Variants in MTUS2 observed in about 807,000 individuals in gnomAD.
MTUS2 encodes the protein microtubule associated scaffold protein 2.
MTUS2 carries 40 observed loss-of-function variants against 114.1 expected under a neutral mutation model. The ratio of observed to expected loss-of-function variants is 0.35; its 90% CI spans 0.27 to 0.46. MTUS2 has a LOEUF of 0.46. Among genes scored for constraint, MTUS2 ranks in the 20% least tolerant of loss-of-function variants. The pLI is 1.00. For synonymous variants in MTUS2, 688 were observed against 672.0 expected, an observed-to-expected ratio of 1.02 and a Z score of -0.37; for missense variants, 1,679 against 1,705.4, an observed-to-expected ratio of 0.98 and a Z score of 0.27.
In MTUS2 at chr13:29,291,936, A is replaced by C. The variant is rs116077022; in HGVS notation, c.2806+10071A>C. Among the ~76,000 whole-genome samples, 404 of 152,332 alleles carry C rather than the reference A, an allele frequency of 2.7e-3. 4 individuals carry two copies. Among genetic ancestry groups the C allele is most frequent in the African/African-American group, 8.8e-3 (367 of 41,584 alleles). On this transcript the variant is annotated intron_variant, in intron 6 of 15. Coordinates refer to ENST00000612955, the MANE Select transcript of MTUS2 (RefSeq NM_001033602.4). Reference sequence around the variant, plus strand: ...CTTGCATTTCAAAATCATTTCTGCTAAAAGGTAAATTTTATTACAGAATTT... The same window carrying C: ...CTTGCATTTCAAAATCATTTCTGCTCAAAGGTAAATTTTATTACAGAATTT...
intron 8 of MTUS2, among the ~76,000 whole-genome samples, chr13:29,383,250 G>GTATATATATATATATATA (rs763660299): frequency 1.6e-5 from 1 of 64,390 alleles, no homozygotes; most frequent in African/African-American, 3.5e-5. Flanking sequence ...GTGTGTGTGT[G>GTATATATATATATATATA]TGTATTTATT....
At chr13:28,830,673 T>C (rs1204504992) in intron 1 of MTUS2, among the ~76,000 whole-genome samples, 1 of 152,068 alleles carries the variant, frequency 6.6e-6, no homozygotes, top group Non-Finnish European at 1.5e-5. Context: ...CCATTATGAA[T>C]ACCAACATAT....
intron 4 of MTUS2, among the ~76,000 whole-genome samples, chr13:29,059,996 A>C (rs887454391): frequency 9.9e-5 from 15 of 152,212 alleles, no homozygotes; most frequent in African/African-American, 3.6e-4. Flanking sequence ...TCCCAGTGGC[A>C]GGGGTGGGTT....
intron 7 of MTUS2, among the ~76,000 whole-genome samples, chr13:29,356,657 C>T (rs1051645309): frequency 2.6e-5 from 4 of 152,114 alleles, no homozygotes; most frequent in African/African-American, 9.7e-5. Context: ...CTGTTTTTAG[C>T]GAAGACAAAA....
At chr13:28,959,222 G>A (rs901913935) in intron 2 of MTUS2, among the ~76,000 whole-genome samples, 3 of 152,144 alleles carry the variant, frequency 2.0e-5, no homozygotes, top group East Asian at 1.9e-4. Flanking sequence ...ATCACCTCTC[G>A]ACTCCAGCTG....
At position 28,868,837 on chromosome 13, in the gene MTUS2, C is replaced by T. The variant is rs577643457; in HGVS notation, c.-243+28987C>T. Among the ~76,000 whole-genome samples, 4 of 152,320 alleles carry T rather than the reference C, an allele frequency of 2.6e-5. No individual in the cohort carries two copies. The East Asian group carries it at 7.7e-4, about 29-fold the overall frequency. On this transcript the variant is annotated intron_variant, in intron 2 of 15. Transcript: ENST00000612955. ...CCTATCTGCCATCTTTTAAACATTT[C>T]ACCGTAGCCTGAGTGATAAAAAGTT...
intron 4 of MTUS2, among the ~76,000 whole-genome samples, chr13:29,061,001 A>G (rs1054006563): frequency 2.6e-5 from 4 of 151,870 alleles, no homozygotes; most frequent in African/African-American, 9.7e-5. Context: ...GGGTTTCACT[A>G]TGTTGGCCAG....
intron 11 of MTUS2, among the ~76,000 whole-genome samples, chr13:29,491,887 GTA>G (rs1882142038): frequency 6.8e-6 from 1 of 146,288 alleles, no homozygotes; most frequent in African/African-American, 2.5e-5. Context: ...TGGTGGGTGT[GTA>G]TGTGTGCGTG....
At chr13:29,115,559 A>C (rs1407633507) in intron 5 of MTUS2, among the ~76,000 whole-genome samples, 27 of 152,230 alleles carry the variant, frequency 1.8e-4, no homozygotes, top group Admixed American at 1.8e-3. Context: ...TCTTGTCAAA[A>C]ATCATAAGAA....
At chr13:29,095,469 T>G (rs1890138697) in intron 4 of MTUS2, among the ~76,000 whole-genome samples, 1 of 152,164 alleles carries the variant, frequency 6.6e-6, no homozygotes, top group Non-Finnish European at 1.5e-5. Flanking sequence ...ATGGTGTATC[T>G]AGGTGTGGAT....
intron 2 of MTUS2, among the ~76,000 whole-genome samples, chr13:28,962,273 G>T (rs916776611): frequency 6.6e-6 from 1 of 152,030 alleles, no homozygotes; most frequent in African/African-American, 2.4e-5. Context: ...GAGTCTAGAT[G>T]TGTTTTCATC....
intron 2 of MTUS2, among the ~76,000 whole-genome samples, chr13:28,856,195 T>A (rs978773093): frequency 2.6e-5 from 4 of 152,202 alleles, no homozygotes; most frequent in Admixed American, 2.0e-4. Flanking sequence ...GTAAACTAAT[T>A]CCCTTAAAAT....
intron 9 of MTUS2, among the ~76,000 whole-genome samples, chr13:29,441,443 G>T (rs547070889): frequency 6.6e-6 from 1 of 152,310 alleles, no homozygotes; most frequent in South Asian, 2.1e-4. Context: ...ATTTCTATTT[G>T]TTGGGTATCA....
intron 4 of MTUS2, among the ~76,000 whole-genome samples, chr13:29,035,058 G>A (rs1001721332): frequency 6.6e-6 from 1 of 152,014 alleles, no homozygotes; most frequent in Non-Finnish European, 1.5e-5. Flanking sequence ...ATACAGACAG[G>A]CAGATCAAAT....
chr13:28,832,717 T>C (rs1874782651), intron 1 of MTUS2, among the ~76,000 whole-genome samples: 1 of 147,596 alleles, frequency 6.8e-6, no homozygotes, highest in Admixed American at 6.8e-5. Context: ...AAGTACACAA[T>C]GTAAACTATA....
chr13:29,015,864 A>G (rs890929606), intron 2 of MTUS2, among the ~76,000 whole-genome samples: 1 of 152,102 alleles, frequency 6.6e-6, no homozygotes, highest in African/African-American at 2.4e-5. Context: ...CAAAAATACT[A>G]TATTTTTACT....
intron 6 of MTUS2, among the ~76,000 whole-genome samples, chr13:29,290,364 C>G (rs1331721028): frequency 6.6e-6 from 1 of 152,140 alleles, no homozygotes; most frequent in East Asian, 1.9e-4. Flanking sequence ...GAGTCTTGCT[C>G]TGTCTCCCAG....
At chr13:29,010,875 G>T (rs971659056) in intron 2 of MTUS2, among the ~76,000 whole-genome samples, 1 of 152,156 alleles carries the variant, frequency 6.6e-6, no homozygotes, top group Non-Finnish European at 1.5e-5. Context: ...CAGTCAGATG[G>T]TGGAGGACTA....
At chr13:29,232,492 T>C (rs1896373261) in intron 5 of MTUS2, among the ~76,000 whole-genome samples, 1 of 152,156 alleles carries the variant, frequency 6.6e-6, no homozygotes, top group Non-Finnish European at 1.5e-5. Context: ...AAGACCAGAC[T>C]CTGGACTCCC....
Sources: gnomAD v4.1 joint callset for allele counts (sites outside exome capture counted in the v4.1 genomes callset) on GRCh38, gnomAD v4.1.1 for gene constraint, MANE v1.5 for transcripts, NCBI Gene and HGNC (gene_info 2026-07-23, HGNC 2026-07-21) for gene names.